Variants in TRPM6 observed in about 807,000 individuals in gnomAD.
TRPM6 encodes transient receptor potential cation channel subfamily M member 6, also known as channel kinase 2.
In TRPM6, 111 loss-of-function variants were observed where a neutral mutation model predicts 247.6. The ratio of observed to expected loss-of-function variants is 0.45; its 90% CI spans 0.38 to 0.52. The LOEUF is 0.52. Among genes scored for constraint, TRPM6 ranks in the 20% least tolerant of loss-of-function variants. The probability of loss-of-function intolerance (pLI) is 0.00; values close to 1 mark genes in which losing one functional copy is unlikely to be tolerated. For synonymous variants in TRPM6, 892 were observed against 853.8 expected (o/e 1.04, Z -0.78); for missense variants, 2,126 against 2,421.5 (o/e 0.88, Z 2.56).
rs947506248 is a variant in TRPM6, at chr9:74,842,426, A to G, written c.153-83T>C. 10 of 1,352,522 alleles carry G rather than the reference A, an allele frequency of 7.4e-6. No individual in the cohort carries two copies. The East Asian group carries it at 2.3e-4, about 31-fold the overall frequency. The allele number at this position is 1,352,522 out of a possible 1,614,324, so 83.8% of individuals were successfully genotyped here. ...TCTACCTTTTTCTAAAGTAATGTAT[A>G]GATGCCATATACTATTTCTTAAAAC... On this transcript the variant is annotated intron_variant, in intron 3 of 38. Coordinates refer to ENST00000360774, the MANE Select transcript of TRPM6 (RefSeq NM_017662.5).
chr9:74,813,470 T>C (rs1828807509), intron 11 of TRPM6, among the ~76,000 whole-genome samples: 1 of 152,182 alleles, frequency 6.6e-6, no homozygotes, highest in Non-Finnish European at 1.5e-5. Context: ...TTGAGTCCCA[T>C]AACACTAGCA....
intron 11 of TRPM6, among the ~76,000 whole-genome samples, chr9:74,814,002 C>G (rs978162172): frequency 1.3e-5 from 2 of 152,142 alleles, no homozygotes; most frequent in Non-Finnish European, 2.9e-5. Context: ...GAAGCTGAGG[C>G]AGGAGAATTG....
intron 3 of TRPM6, among the ~76,000 whole-genome samples, chr9:74,854,029 T>A (rs1178316029): frequency 6.6e-6 from 1 of 151,990 alleles, no homozygotes; most frequent in African/African-American, 2.4e-5. Context: ...TAGAAGTAGA[T>A]CAAAATACTG....
At position 74,732,739 on chromosome 9, in the gene TRPM6, C is replaced by G. The variant is rs1269938818; in HGVS notation, c.5777-3G>C. On this transcript the variant is annotated splice_polypyrimidine_tract_variant and splice_region_variant and intron_variant, in intron 36 of 38. Transcript: ENST00000360774. The stretch of plus-strand genomic sequence containing the variant: ...ATCTGTCAAATTTTCTCCAACACCT[C>G]AAAAGAAGAAACAAAATTCGTTTAG... 2.5e-6 allele frequency: 4 copies of G among 1,607,242 alleles called. No individual in the cohort carries two copies. Among genetic ancestry groups the G allele is most frequent in the Non-Finnish European group, 3.4e-6 (4 of 1,176,564 alleles).
At chr9:74,861,024 A>G (rs77438816) in intron 1 of TRPM6, among the ~76,000 whole-genome samples, 1 of 102,348 alleles carries the variant, frequency 9.8e-6, no homozygotes, top group East Asian at 4.5e-4. Context: ...CCTTGTCACA[A>G]AAAAAAGAAA....
intron 33 of TRPM6, 123 bp from the exon 34 acceptor site, chr9:74,740,132 G>A (rs1825817167): frequency 9.3e-7 from 1 of 1,073,624 alleles, no homozygotes. Flanking sequence ...AATGGGACTA[G>A]CAGGGAACAG....
intron 1 of TRPM6, among the ~76,000 whole-genome samples, chr9:74,865,284 A>G (rs942232395): frequency 2.6e-5 from 4 of 152,184 alleles, no homozygotes; most frequent in African/African-American, 9.6e-5. Context: ...TGAAGCCCTC[A>G]TTATTTCAGC....
intron 3 of TRPM6, among the ~76,000 whole-genome samples, chr9:74,847,597 T>G (rs1183712512): frequency 6.6e-6 from 1 of 152,088 alleles, no homozygotes; most frequent in East Asian, 1.9e-4. Context: ...TTTGACTGGC[T>G]TTAATATATA....
chr9:74,841,447 T>C (rs1317388616), intron 4 of TRPM6, among the ~76,000 whole-genome samples: 1 of 152,078 alleles, frequency 6.6e-6, no homozygotes, highest in African/African-American at 2.4e-5. Context: ...GGAATTAACA[T>C]ATGATCCTCC....
intron 1 of TRPM6, among the ~76,000 whole-genome samples, chr9:74,860,798 ACTTGAGCC>A: frequency 6.6e-6 from 1 of 152,308 alleles, no homozygotes; most frequent in East Asian, 1.9e-4. Context: ...CAGGTGGATC[ACTTGAGCC>A]CAGGACTTCC....
intron 14 of TRPM6, among the ~76,000 whole-genome samples, chr9:74,806,877 A>G (rs962331776): frequency 2.0e-5 from 3 of 152,186 alleles, no homozygotes; most frequent in Non-Finnish European, 4.4e-5. Context: ...CTGGAAGACA[A>G]TCCAAGAAAT....
intron 1 of TRPM6, among the ~76,000 whole-genome samples, chr9:74,871,808 T>C (rs1831039614): frequency 6.6e-6 from 1 of 151,644 alleles, no homozygotes; most frequent in Admixed American, 6.6e-5. Context: ...ACCTCCCGAG[T>C]ATCTAGGATT....
chr9:74,796,014 C>A (rs1194130702), intron 18 of TRPM6, among the ~76,000 whole-genome samples: 1 of 152,144 alleles, frequency 6.6e-6, no homozygotes, highest in African/African-American at 2.4e-5. Flanking sequence ...CAGTTTCCTG[C>A]CACAATACGT....
chr9:74,821,533 G>A, intron 8 of TRPM6, 136 bp downstream of exon 8: 1 of 1,048,356 alleles, frequency 9.5e-7, no homozygotes, highest in Admixed American at 1.9e-5. Flanking sequence ...AACAAACACA[G>A]TCACTGAGAA....
intron 1 of TRPM6, among the ~76,000 whole-genome samples, chr9:74,884,880 T>C (rs11144134): frequency 0.06 from 9,126 of 152,200 alleles, 355 homozygotes; most frequent in Middle Eastern, 0.12. Flanking sequence ...GTGTGGGATA[T>C]AGGAAACAGG....
Position 74,810,635 on chromosome 9 carries a change from T to G in TRPM6, c.1497+180A>C, listed in dbSNP as rs370137255. ...CAAGTCTTTTAAAACATAAAGTAAA[T>G]TAAGGAAAAAAGTGTACGAATGTGG... On this transcript the variant is annotated intron_variant, in intron 13 of 38. Coordinates refer to ENST00000360774, the MANE Select transcript of TRPM6 (RefSeq NM_017662.5). Among the ~76,000 whole-genome samples the G allele has an allele frequency of 5.9e-5, 9 of 152,148 alleles. No individual in the cohort carries two copies. The East Asian group carries it at 1.2e-3, about 20-fold the overall frequency.
intron 11 of TRPM6, among the ~76,000 whole-genome samples, chr9:74,814,132 GA>G (rs1828839869): frequency 6.6e-6 from 1 of 152,142 alleles, no homozygotes. Context: ...GGATGCTAAT[GA>G]AAAACATAGG....
Position 74,821,714 on chromosome 9 carries a change from G to A in TRPM6, c.965C>T (p.Ala322Val), listed in dbSNP as rs751059065. The A allele has an allele frequency of 8.7e-6, 14 of 1,614,014 alleles. No individual in the cohort carries two copies. The highest frequency in any genetic ancestry group is 4.4e-5 in the South Asian group (4 of 91,076). ...PVVVCEGTGR[A>V]ADLLAFTHKH... Reference sequence around the variant, plus strand: ...GTGTGTGAAGGCCAGGAGGTCAGCCGCCCTACCTGTGCCCTCACACACCAC... The same window carrying A: ...GTGTGTGAAGGCCAGGAGGTCAGCCACCCTACCTGTGCCCTCACACACCAC... The change falls in exon 8 of 39, where the codon GCG becomes GTG. Residue 322 changes from alanine to valine, a missense_variant. Physicochemically the swap from Ala to Val is moderately conservative, Grantham distance 64. This residue lies in a region of TRPM6 where 1,082 missense variants were observed against 1,307.9 expected (regional missense o/e 0.83). Coordinates refer to ENST00000360774, the MANE Select transcript of TRPM6 (RefSeq NM_017662.5).
In TRPM6 at chr9:74,796,723, T is replaced by G; in HGVS notation, c.2391+18A>C. 6.2e-7 allele frequency: 1 copy of G among 1,613,544 alleles called. No individual in the cohort carries two copies. The highest frequency in any genetic ancestry group is 8.5e-7 in the Non-Finnish European group (1 of 1,179,504). Reference sequence around the variant, plus strand: ...GTCAATACAATGAAAATTCAGTTCATTATGATTTTGCACTAACCACAGAAG... The same window carrying G: ...GTCAATACAATGAAAATTCAGTTCAGTATGATTTTGCACTAACCACAGAAG... On this transcript the variant is annotated intron_variant, in intron 18 of 38. Transcript: ENST00000360774.
Sources: allele counts gnomAD v4.1 joint callset (sites outside exome capture counted in the v4.1 genomes callset), GRCh38; gene constraint gnomAD v4.1.1; regional missense constraint gnomAD v4.1.1; transcripts MANE v1.5; gene names NCBI Gene and HGNC (gene_info 2026-07-23, HGNC 2026-07-21).